The following ELOVL5 variants were observed in gnomAD, a reference collection of about 807,000 sequenced individuals.
ELOVL5 encodes ELOVL fatty acid elongase 5.
Under a neutral mutation model 38.6 loss-of-function variants are expected in ELOVL5, and 8 were observed. That is an observed-to-expected ratio of 0.21 (90% CI 0.12 to 0.37). The LOEUF (loss-of-function observed/expected upper bound fraction) is 0.37, where lower values mean the gene tolerates loss of function less well. ELOVL5 is among the 10% of genes least tolerant of loss of function. The pLI is 1.00. For synonymous variants in ELOVL5, 127 were observed against 133.7 expected, an observed-to-expected ratio of 0.95 and a Z score of 0.34; for missense variants, 280 against 367.8, an observed-to-expected ratio of 0.76 and a Z score of 1.95.
At chr6:53,280,260 G>A (rs1766300512) in intron 3 of ELOVL5, among the ~76,000 whole-genome samples, 1 of 152,118 alleles carries the variant, frequency 6.6e-6, no homozygotes, top group South Asian at 2.1e-4. Context: ...GAAAAAGCAG[G>A]CCATCACAAA....
chr6:53,327,224 T>C (rs209505), intron 1 of ELOVL5, among the ~76,000 whole-genome samples: 139,983 of 152,068 alleles, frequency 0.92, 64,762 homozygotes, highest in African/African-American at 0.98. Context: ...CTGGAAGCTA[T>C]AGTCACAAAT....
chr6:53,273,106 A>G, intron 6 of ELOVL5, 114 bp downstream of exon 6: 1 of 1,159,678 alleles, frequency 8.6e-7, no homozygotes, highest in Non-Finnish European at 1.2e-6. Context: ...AATTACATCA[A>G]ATGAAAAAGG....
At chr6:53,286,470 G>A (rs1766574903) in intron 3 of ELOVL5, among the ~76,000 whole-genome samples, 1 of 152,142 alleles carries the variant, frequency 6.6e-6, no homozygotes, top group Non-Finnish European at 1.5e-5. Context: ...GGCTGAGGTG[G>A]GAGGATCGCT....
chr6:53,294,596 AATTATT>A lies in ELOVL5; in HGVS notation c.58+1040_58+1045del, dbSNP rs1238540026. The A allele has an allele frequency of 5.4e-5, 74 of 1,382,788 alleles. 1 individual carries two copies. In the East Asian group the frequency reaches 1.7e-3, roughly 32 times the overall value. The allele number at this position is 1,382,788 out of a possible 1,614,324, so 85.7% of individuals were successfully genotyped here. On this transcript the variant is annotated intron_variant, in intron 2 of 7. Coordinates refer to ENST00000304434, the MANE Select transcript of ELOVL5 (RefSeq NM_021814.5). ...GCTCCACCTGGTAATGCAAGCTAAT[AATTATT>A]ATTATTATTTTAGCCATTTAGAGTT... is the stretch of plus-strand genomic sequence containing the variant.
chr6:53,312,250 A>C (rs1044569339), intron 1 of ELOVL5, among the ~76,000 whole-genome samples: 7 of 152,248 alleles, frequency 4.6e-5, no homozygotes, highest in African/African-American at 1.2e-4. Flanking sequence ...CCTGTACACG[A>C]ATGTTCACAG....
chr6:53,270,413 T>TAG (rs368320789), intron 7 of ELOVL5, among the ~76,000 whole-genome samples, 180 bp downstream of exon 7: 5 of 152,298 alleles, frequency 3.3e-5, no homozygotes, highest in African/African-American at 1.2e-4. Flanking sequence ...AACAGGATTC[T>TAG]AGTGTCTTCC....
At chr6:53,331,713 T>C (rs1768811886) in intron 1 of ELOVL5, among the ~76,000 whole-genome samples, 1 of 152,216 alleles carries the variant, frequency 6.6e-6, no homozygotes, top group Admixed American at 6.5e-5. Context: ...CTCAAAATAT[T>C]TGAAGTTTGT....
chr6:53,279,734 T>C (rs1766285940), intron 3 of ELOVL5, among the ~76,000 whole-genome samples: 1 of 152,206 alleles, frequency 6.6e-6, no homozygotes, highest in Non-Finnish European at 1.5e-5. Flanking sequence ...ATGAAAACTC[T>C]TCATCATCAA....
chr6:53,276,603 G>A (rs565938669), intron 3 of ELOVL5, among the ~76,000 whole-genome samples: 1 of 152,232 alleles, frequency 6.6e-6, no homozygotes, highest in East Asian at 1.9e-4. Flanking sequence ...CCCCACAGAA[G>A]CCTCTGGCTG....
chr6:53,275,066 C>CA (rs759642320), intron 5 of ELOVL5, 24 bp downstream of exon 5: 1 of 1,610,528 alleles, frequency 6.2e-7, no homozygotes, highest in Non-Finnish European at 8.5e-7. Flanking sequence ...ACCTGTTCCC[C>CA]AAGTCCCCGT....
At chr6:53,327,365 T>C (rs922891678) in intron 1 of ELOVL5, among the ~76,000 whole-genome samples, 30 of 152,182 alleles carry the variant, frequency 2.0e-4, no homozygotes, top group Non-Finnish European at 4.4e-5. Flanking sequence ...CAATGGTCAC[T>C]CTTCACATGC....
At position 53,327,262 on chromosome 6, in the gene ELOVL5, G is replaced by A. The variant is rs116194822; in HGVS notation, c.-9+21555C>T. 4.3e-3 allele frequency among the ~76,000 whole-genome samples: 659 copies of A among 152,142 alleles called. 7 individuals carry two copies. Among genetic ancestry groups the A allele is most frequent in the African/African-American group, 0.015 (636 of 41,484 alleles). ...TCCTGATGCCCAACCTACCCCTGTG[G>A]TGCCTCACTGCTAGGTAAATCCAAC... On this transcript the variant is annotated intron_variant, in intron 1 of 7. Transcript: ENST00000304434.
chr6:53,295,817 T>TAA (rs1766973387), intron 1 of ELOVL5, 110 bp from the exon 2 acceptor site: 4 of 650,812 alleles, frequency 6.1e-6, no homozygotes, highest in Non-Finnish European at 9.9e-6. Flanking sequence ...CAGACAAGGT[T>TAA]AAGTTCAGTT....
At position 53,269,268 on chromosome 6, in the gene ELOVL5, G is replaced by C. The variant is rs752250251; in HGVS notation, c.759C>G (p.Thr253=). The change falls in exon 8 of 8, where the codon ACC becomes ACG. Residue 253 remains threonine, a splice_region_variant and synonymous_variant. Coordinates refer to ENST00000304434, the MANE Select transcript of ELOVL5 (RefSeq NM_021814.5). The part of the protein sequence containing the change: ...IALFTNFYIQ[T]YNKKGASRRK... ...TTCGGGAGGCCCCTTTCTTGTTGTA[G>C]GTCTAAAATGTGTAAGGGCAGATGA... 1 of 1,606,888 alleles carries C rather than the reference G, an allele frequency of 6.2e-7. No individual in the cohort carries two copies. The highest frequency in any genetic ancestry group is 8.5e-7 in the Non-Finnish European group (1 of 1,177,096).
intron 3 of ELOVL5, among the ~76,000 whole-genome samples, chr6:53,281,511 A>G (rs1766352025): frequency 6.6e-6 from 1 of 152,232 alleles, no homozygotes. Flanking sequence ...AGTTCCAAGC[A>G]TCTTTGCCCT....
intron 1 of ELOVL5, among the ~76,000 whole-genome samples, chr6:53,306,734 T>A (rs900165399): frequency 2.0e-5 from 3 of 152,200 alleles, no homozygotes; most frequent in Non-Finnish European, 4.4e-5. Context: ...ATTACTCTTG[T>A]AGAGTTTTAT....
intron 1 of ELOVL5, among the ~76,000 whole-genome samples, chr6:53,314,808 C>G (rs767279483): frequency 2.6e-5 from 4 of 152,180 alleles, no homozygotes; most frequent in African/African-American, 7.2e-5. Context: ...TGGTCAGGAG[C>G]TAGGGGATGG....
intron 1 of ELOVL5, among the ~76,000 whole-genome samples, chr6:53,331,265 G>T (rs1269595089): frequency 6.6e-6 from 1 of 152,112 alleles, no homozygotes; most frequent in Non-Finnish European, 1.5e-5. Flanking sequence ...AATCAAGCCT[G>T]CAGTGAGCTG....
intron 2 of ELOVL5, chr6:53,294,302 G>A: frequency 6.4e-7 from 1 of 1,569,852 alleles, no homozygotes; most frequent in Non-Finnish European, 8.6e-7. Flanking sequence ...GGCATGTGAA[G>A]CAATTGTGGC....
Sources: allele counts gnomAD v4.1 joint callset (sites outside exome capture counted in the v4.1 genomes callset), GRCh38; gene constraint gnomAD v4.1.1; transcripts MANE v1.5; gene names NCBI Gene and HGNC (gene_info 2026-07-23, HGNC 2026-07-21).